STARD8: variants seen among roughly 807,000 people sequenced by gnomAD.
STARD8 encodes the protein stAR-related lipid transfer protein 8.
In STARD8, 25 loss-of-function variants were observed where a neutral mutation model predicts 69.4. The ratio of observed to expected loss-of-function variants is 0.36; its 90% CI spans 0.26 to 0.50. The LOEUF (loss-of-function observed/expected upper bound fraction) is 0.50. STARD8 is among the 20% of genes least tolerant of loss of function. The probability of loss-of-function intolerance (pLI) is 0.96; values close to 1 mark genes in which losing one functional copy is unlikely to be tolerated. For missense variants in STARD8, 921 were observed against 932.5 expected (o/e 0.99, Z 0.16); for synonymous variants, 389 against 374.6 (o/e 1.04, Z -0.45).
chrX:68,690,915 T>C (rs761909557), intron 2 of STARD8, among the ~76,000 whole-genome samples: 135 of 112,264 alleles, frequency 1.2e-3, no homozygotes, highest in African/African-American at 4.2e-3. Flanking sequence ...TCTGCAGCCA[T>C]TGAAGGTCAG....
At chrX:68,653,112 CACCA>C (rs2079573432) in intron 1 of STARD8, among the ~76,000 whole-genome samples, 1 of 77,602 alleles carries the variant, frequency 1.3e-5, no homozygotes, top group Non-Finnish European at 2.5e-5. Flanking sequence ...CACACACACA[CACCA>C]CACACCACAC....
chrX:68,695,625 C>T (rs1292447586), intron 2 of STARD8, among the ~76,000 whole-genome samples: 9 of 111,088 alleles, frequency 8.1e-5, no homozygotes, highest in Non-Finnish European at 3.8e-5. Flanking sequence ...GGGCTGTGTG[C>T]GCTGTGTGCT....
At chrX:68,690,070 C>T (rs2079864804) in intron 2 of STARD8, among the ~76,000 whole-genome samples, 1 of 110,124 alleles carries the variant, frequency 9.1e-6, no homozygotes, top group African/African-American at 3.3e-5. Flanking sequence ...GTTTTGGGAC[C>T]TGATCAATAG....
At chrX:68,713,107 C>A in intron 3 of STARD8, 122 bp downstream of exon 3, 1 of 709,513 alleles carries the variant, frequency 1.4e-6, no homozygotes, top group Non-Finnish European at 2.1e-6. Flanking sequence ...TGGCCCTGCT[C>A]CGATTTTTTT....
intron 1 of STARD8, among the ~76,000 whole-genome samples, chrX:68,653,672 ACACAC>A (rs1379959141): frequency 2.8e-5 from 2 of 71,076 alleles, no homozygotes; most frequent in Non-Finnish European, 5.4e-5. Flanking sequence ...ACACCCCCCA[ACACAC>A]CACACCACAC....
chrX:68,708,570 T>G (rs1354564193), intron 2 of STARD8, among the ~76,000 whole-genome samples: 1 of 111,587 alleles, frequency 9.0e-6, no homozygotes, highest in African/African-American at 3.3e-5. Context: ...TGGGTTTGGC[T>G]CTGAGGCCTG....
chrX:68,682,101 T>A (rs1402368669), intron 2 of STARD8, among the ~76,000 whole-genome samples: 3 of 108,719 alleles, frequency 2.8e-5, no homozygotes, highest in African/African-American at 1.0e-4. Flanking sequence ...CGGTTTCAAG[T>A]GATTCTCCTG....
chrX:68,717,117 C>A, intron 5 of STARD8, 95 bp from the exon 6 acceptor site: 1 of 1,077,977 alleles, frequency 9.3e-7, no homozygotes, highest in Non-Finnish European at 1.2e-6. Context: ...CCCTTCACCT[C>A]AGAGTCCCCC....
At position 68,720,393 on chromosome X, in the gene STARD8, G is replaced by A; in HGVS notation, c.2019G>A (p.Met673Ile). The A allele has an allele frequency of 8.4e-7, 1 of 1,190,302 alleles. No homozygotes were observed. Among genetic ancestry groups the A allele is most frequent in the South Asian group, 1.9e-5 (1 of 53,378 alleles). The part of the protein sequence containing the change: ...QPLPQSIQQA[M>I]RYLRSQCLDQ... Reference sequence around the variant, plus strand: ...TGCCACAGAGCATTCAGCAAGCCATGCGCTACTTGCGCAGCCAGTGCCTGG... The same window carrying A: ...TGCCACAGAGCATTCAGCAAGCCATACGCTACTTGCGCAGCCAGTGCCTGG... Residue 673 changes from methionine (M) to isoleucine (I), a missense_variant, in exon 8 of 15, where the codon ATG (methionine) becomes ATA (isoleucine). Coordinates refer to ENST00000374599, the MANE Select transcript of STARD8 (RefSeq NM_001142503.3).
At chrX:68,678,984 C>T (rs1375370976) in intron 2 of STARD8, among the ~76,000 whole-genome samples, 2 of 111,790 alleles carry the variant, frequency 1.8e-5, no homozygotes, top group Non-Finnish European at 3.8e-5. Context: ...ATGAGTTGAT[C>T]CAAGTATACA....
chrX:68,714,090 G>A (rs555243174), intron 3 of STARD8, among the ~76,000 whole-genome samples: 3 of 112,208 alleles, frequency 2.7e-5, no homozygotes, highest in Admixed American at 1.9e-4. Flanking sequence ...GTGACCCAGT[G>A]TCACAGCTCA....
rs1451231839 is a variant in STARD8, at chrX:68,717,638, G to A, written c.724G>A (p.Ala242Thr). The A allele has an allele frequency of 1.1e-5, 13 of 1,210,786 alleles. No individual in the cohort carries two copies. The highest frequency in any genetic ancestry group is 1.3e-5 in the Non-Finnish European group (12 of 895,398). ...SPATSEKVSKASSFRSCRGFL... is the reference protein window; with the variant it reads ...SPATSEKVSKTSSFRSCRGFL... ...AGCCACCTCAGAGAAGGTCTCCAAA[G>A]CCTCATCTTTCCGCAGTTGTCGTGG... Residue 242 changes from alanine (A) to threonine (T), a missense_variant, in exon 6 of 15, where the codon GCC becomes ACC. By Grantham distance (58) the Ala-to-Thr change is moderately conservative (BLOSUM62 0). Transcript: ENST00000374599.
At position 68,717,812 on chromosome X, in the gene STARD8, C is replaced by T; in HGVS notation, c.898C>T (p.His300Tyr). 1.7e-6 allele frequency: 2 copies of T among 1,211,428 alleles called. No homozygotes were observed. Among genetic ancestry groups the T allele is most frequent in the Non-Finnish European group, 2.2e-6 (2 of 895,294 alleles). The change falls in exon 6 of 15, where the codon CAC (histidine) becomes TAC (tyrosine). Residue 300 changes from histidine (H) to tyrosine (Y), a missense_variant. Physicochemically the swap from His to Tyr is moderately conservative, Grantham distance 83. Transcript: ENST00000374599. Reference protein sequence around the residue: ...QWTHRGDCLVHVPGDHKPGTF... With the variant: ...QWTHRGDCLVYVPGDHKPGTF... Reference sequence around the variant, plus strand: ...GACACACCGGGGTGATTGCCTGGTGCACGTTCCTGGGGACCACAAACCAGG... The same window carrying T: ...GACACACCGGGGTGATTGCCTGGTGTACGTTCCTGGGGACCACAAACCAGG...
intron 2 of STARD8, among the ~76,000 whole-genome samples, chrX:68,692,260 G>T (rs1269341560): frequency 8.9e-6 from 1 of 111,997 alleles, no homozygotes; most frequent in Non-Finnish European, 1.9e-5. Context: ...ATTGCTAGAG[G>T]ATACGAGGGG....
intron 2 of STARD8, among the ~76,000 whole-genome samples, chrX:68,677,547 T>C (rs958423544): frequency 9.0e-6 from 1 of 111,419 alleles, no homozygotes; most frequent in Non-Finnish European, 1.9e-5. Flanking sequence ...CCCAGAGTCG[T>C]GCTACACCTG....
chrX:68,677,919 T>C (rs2079776620), intron 2 of STARD8, among the ~76,000 whole-genome samples: 1 of 101,735 alleles, frequency 9.8e-6, no homozygotes. Context: ...ATTTTCTGAA[T>C]GGATCAGATG....
chrX:68,673,910 C>T (rs2079746080), intron 2 of STARD8, among the ~76,000 whole-genome samples: 1 of 112,202 alleles, frequency 8.9e-6, no homozygotes, highest in Admixed American at 9.4e-5. Flanking sequence ...GAGCATCTGC[C>T]TAGAATGGCT....
In STARD8 at chrX:68,722,660, C is replaced by T; in HGVS notation, c.2799+14C>T. 1 of 1,199,797 alleles carries T rather than the reference C, an allele frequency of 8.3e-7. No individual in the cohort carries two copies. Among genetic ancestry groups the T allele is most frequent in the Non-Finnish European group, 1.1e-6 (1 of 885,782 alleles). ...GCTTGCAGGAAGGTGAGTGCCACACCACGGGTGGCTGCTATGGGGCTGGGA... is the reference window on the plus strand; with the variant it reads ...GCTTGCAGGAAGGTGAGTGCCACACTACGGGTGGCTGCTATGGGGCTGGGA... On this transcript the variant is annotated intron_variant, in intron 12 of 14. Transcript: ENST00000374599.
At position 68,717,479 on chromosome X, in the gene STARD8, C is replaced by G; in HGVS notation, c.565C>G (p.Pro189Ala). 2.5e-6 allele frequency: 3 copies of G among 1,210,960 alleles called. No individual in the cohort carries two copies. The highest frequency in any genetic ancestry group is 3.5e-5 in the African/African-American group (2 of 57,795). Residue 189 changes from proline (P) to alanine (A), a missense_variant, in exon 6 of 15, where the codon CCC (proline) becomes GCC (alanine). By Grantham distance (27) the Pro-to-Ala change is conservative (BLOSUM62 -1). Transcript: ENST00000374599. The part of the protein sequence containing the change: ...PSSSDRPLLS[P>A]TQGQEGPQDK... ...CTCGAGTGACCGGCCCCTCCTCAGCCCCACCCAGGGCCAGGAGGGTCCCCA... is the reference window on the plus strand; with the variant it reads ...CTCGAGTGACCGGCCCCTCCTCAGCGCCACCCAGGGCCAGGAGGGTCCCCA...
Sources: gnomAD v4.1 joint callset for allele counts (sites outside exome capture counted in the v4.1 genomes callset) on GRCh38, gnomAD v4.1.1 for gene constraint, MANE v1.5 for transcripts, NCBI Gene and HGNC (gene_info 2026-07-23, HGNC 2026-07-21) for gene names.